Variants in SLC6A5 observed in about 807,000 individuals in gnomAD.
SLC6A5 encodes the protein sodium- and chloride-dependent glycine transporter 2.
A neutral mutation model predicts 90.5 loss-of-function variants in SLC6A5; 58 were observed. The observed-to-expected ratio is 0.64, with a 90% CI of 0.52 to 0.80. SLC6A5 has a LOEUF of 0.80. SLC6A5 is among the 30% of genes least tolerant of loss of function. SLC6A5 has a pLI of 0.00. For missense variants in SLC6A5, 1,015 were observed against 1,017.6 expected (o/e 1.00, Z 0.03); for synonymous variants, 427 against 401.4 (o/e 1.06, Z -0.76).
chr11:20,643,266 G>C (rs745679736), intron 13 of SLC6A5, among the ~76,000 whole-genome samples: 2 of 151,200 alleles, frequency 1.3e-5, no homozygotes, highest in Non-Finnish European at 2.9e-5. Flanking sequence ...GCCTGCTGTT[G>C]GTGCTTTATA....
At chr11:20,600,366 GAAGAAGAA>G (rs1852440100) in intron 1 of SLC6A5, among the ~76,000 whole-genome samples, 1 of 148,396 alleles carries the variant, frequency 6.7e-6, no homozygotes, top group Admixed American at 6.7e-5. Context: ...AGAAGAAGAA[GAAGAAGAA>G]GAAGAAGAAG....
chr11:20,608,565 A>C (rs1186767417), intron 5 of SLC6A5, among the ~76,000 whole-genome samples: 1 of 152,248 alleles, frequency 6.6e-6, no homozygotes, highest in Non-Finnish European at 1.5e-5. Flanking sequence ...ATACAGTTGC[A>C]GAAGCATATA....
Position 20,655,807 on chromosome 11 carries a change from T to C in SLC6A5, c.*939T>C, listed in dbSNP as rs1182451864. 6.6e-6 allele frequency: 1 copy of C among 152,222 alleles called. No individual in the cohort carries two copies. The highest frequency in any genetic ancestry group is 1.5e-5 in the Non-Finnish European group (1 of 68,036). The allele number at this position is 152,222 out of a possible 1,614,324, so 9.4% of individuals were successfully genotyped here. A position where few individuals can be genotyped will look rare whatever the true frequency, so the allele number is the denominator to read the frequency against. On this transcript the variant is annotated 3_prime_UTR_variant, in exon 16 of 16. Coordinates refer to ENST00000525748, the MANE Select transcript of SLC6A5 (RefSeq NM_004211.5). ...AAGACTTACCCTGGTTCTGTCTATA[T>C]ATTATATATATAGGACACATGCTCT...
intron 5 of SLC6A5, among the ~76,000 whole-genome samples, chr11:20,608,595 C>T (rs1291092542): frequency 6.6e-6 from 1 of 152,170 alleles, no homozygotes; most frequent in Non-Finnish European, 1.5e-5. Context: ...ATAAAAGGTG[C>T]TAGTAGCAGT....
At chr11:20,599,721 G>C (rs1390092245) in intron 1 of SLC6A5, 46 bp downstream of exon 1, 1 of 1,612,574 alleles carries the variant, frequency 6.2e-7, no homozygotes, top group Admixed American at 1.7e-5. Context: ...GGGCTGAGGG[G>C]ACAGGGAAAG....
chr11:20,623,180 C>G (rs914752360), intron 7 of SLC6A5, among the ~76,000 whole-genome samples: 1 of 152,150 alleles, frequency 6.6e-6, no homozygotes, highest in Non-Finnish European at 1.5e-5. Flanking sequence ...GTGTCCTGGT[C>G]AGCAGTGTCA....
At position 20,654,754 on chromosome 11, in the gene SLC6A5, A is replaced by G. The variant is rs760968008; in HGVS notation, c.2280A>G (p.Pro760=). ...LVCSPQPDWG[P]FLAQHRGERY... is the part of the protein sequence containing the mutation. ...GCTCGCCACAGCCGGACTGGGGCCC[A>G]TTCTTAGCTCAACACCGCGGGGAGC... is the stretch of plus-strand genomic sequence containing the variant. Residue 760 remains proline, a synonymous_variant, in exon 16 of 16, where the codon CCA becomes CCG. Coordinates refer to ENST00000525748, the MANE Select transcript of SLC6A5 (RefSeq NM_004211.5). 8.7e-6 allele frequency: 14 copies of G among 1,614,162 alleles called. No individual in the cohort carries two copies. The East Asian group carries it at 2.7e-4, about 31-fold the overall frequency.
chr11:20,602,046 G>T (rs1340272358), intron 2 of SLC6A5, among the ~76,000 whole-genome samples: 1 of 152,226 alleles, frequency 6.6e-6, no homozygotes, highest in Non-Finnish European at 1.5e-5. Flanking sequence ...CAAAAAGAGG[G>T]TTAAAATTCA....
At chr11:20,651,329 G>A (rs1441476672) in intron 14 of SLC6A5, among the ~76,000 whole-genome samples, 1 of 147,334 alleles carries the variant, frequency 6.8e-6, no homozygotes, top group Non-Finnish European at 1.5e-5. Flanking sequence ...GTTGGGGTAC[G>A]GTGGCATGAT....
chr11:20,645,130 A>G (rs1197367169), intron 13 of SLC6A5, among the ~76,000 whole-genome samples: 4 of 151,996 alleles, frequency 2.6e-5, no homozygotes, highest in Non-Finnish European at 5.9e-5. Context: ...TCCATTTTTT[A>G]AGGGTCTGAA....
chr11:20,604,404 T>C lies in SLC6A5; in HGVS notation c.659T>C (p.Leu220Pro), dbSNP rs751091717. 1 of 1,613,454 alleles carries C rather than the reference T, an allele frequency of 6.2e-7. No homozygotes were observed. The highest frequency in any genetic ancestry group is 1.7e-5 in the Admixed American group (1 of 60,004). ...GGCAATGTCTGGAGGTTTCCCTACCTGGCCTTCCAGAACGGGGGAGGTATG... is the reference window on the plus strand; with the variant it reads ...GGCAATGTCTGGAGGTTTCCCTACCCGGCCTTCCAGAACGGGGGAGGTATG... ...GLGNVWRFPY[L>P]AFQNGGGAFL... Residue 220 changes from leucine (L) to proline (P), a missense_variant, in exon 3 of 16, where the codon CTG (leucine) becomes CCG (proline). Around this residue, in one of 3 missense-constraint regions of SLC6A5, gnomAD observed 567 missense variants for 507.3 expected, o/e 1.12. Coordinates refer to ENST00000525748, the MANE Select transcript of SLC6A5 (RefSeq NM_004211.5).
chr11:20,637,370 C>T (rs1040233617), intron 12 of SLC6A5, 67 bp downstream of exon 12: 4 of 1,409,680 alleles, frequency 2.8e-6, no homozygotes, highest in African/African-American at 2.8e-5. Flanking sequence ...AGCTATCTGT[C>T]TTTCAACCCT....
chr11:20,613,659 T>C (rs1852733311), intron 5 of SLC6A5, among the ~76,000 whole-genome samples: 1 of 106,726 alleles, frequency 9.4e-6, no homozygotes, highest in Non-Finnish European at 1.8e-5. Flanking sequence ...ATTCTTTTTT[T>C]TTTTTTTTTT....
chr11:20,619,593 T>C (rs1400842657), intron 7 of SLC6A5, among the ~76,000 whole-genome samples: 1 of 151,800 alleles, frequency 6.6e-6, no homozygotes, highest in Non-Finnish European at 1.5e-5. Flanking sequence ...TGGTGAAACA[T>C]GGCTGAGCTT....
chr11:20,646,686 TC>T, intron 13 of SLC6A5, 147 bp from the exon 14 acceptor site: 1 of 679,984 alleles, frequency 1.5e-6, no homozygotes, highest in Non-Finnish European at 2.7e-6. Flanking sequence ...GTCTGATGGT[TC>T]CCTGCATAAT....
chr11:20,617,275 C>G lies in SLC6A5; in HGVS notation c.1128-477C>G, dbSNP rs183668629. ...ACACAACTTGAACTACAATCCAGGGCCACATTTTTCGTCATTTAGCATATG... is the reference window on the plus strand; with the variant it reads ...ACACAACTTGAACTACAATCCAGGGGCACATTTTTCGTCATTTAGCATATG... On this transcript the variant is annotated intron_variant, in intron 6 of 15. Transcript: ENST00000525748. 3.3e-5 allele frequency among the ~76,000 whole-genome samples: 5 copies of G among 152,308 alleles called. No individual in the cohort carries two copies. In the East Asian group the frequency reaches 9.7e-4, roughly 29 times the overall value.
chr11:20,615,152 AAG>A (rs1470657101), intron 6 of SLC6A5, among the ~76,000 whole-genome samples: 3 of 152,220 alleles, frequency 2.0e-5, no homozygotes, highest in African/African-American at 7.2e-5. Context: ...GGCTTCAGGG[AAG>A]AGAGACAAAA....
chr11:20,652,793 C>T (rs769129106), intron 15 of SLC6A5, among the ~76,000 whole-genome samples: 1 of 152,138 alleles, frequency 6.6e-6, no homozygotes, highest in Non-Finnish European at 1.5e-5. Flanking sequence ...TTGTTTTTAA[C>T]CACACATCAG....
rs2133828886 is a variant in SLC6A5, at chr11:20,655,789, AC to A, written c.*924del. ...TTTGACCTCTGGGAAAACAAGACTT[AC>A]CCTGGTTCTGTCTATATATTATATA... On this transcript the variant is annotated 3_prime_UTR_variant, in exon 16 of 16. Transcript: ENST00000525748. The A allele has an allele frequency of 6.6e-6, 1 of 152,292 alleles. No individual in the cohort carries two copies. Among genetic ancestry groups the A allele is most frequent in the South Asian group, 2.1e-4 (1 of 4,820 alleles). 9.4% of individuals were successfully genotyped at this position (152,292 alleles called of 1,614,324 possible). A position where few individuals can be genotyped will look rare whatever the true frequency, so the allele number is the denominator to read the frequency against.
Sources: allele counts gnomAD v4.1 joint callset (sites outside exome capture counted in the v4.1 genomes callset), GRCh38; gene constraint gnomAD v4.1.1; regional missense constraint gnomAD v4.1.1; transcripts MANE v1.5; gene names NCBI Gene and HGNC (gene_info 2026-07-23, HGNC 2026-07-21).